DYNC1I1: variants seen among roughly 807,000 people sequenced by gnomAD.
DYNC1I1 encodes the protein cytoplasmic dynein 1 intermediate chain 1.
Under a neutral mutation model 86.6 loss-of-function variants are expected in DYNC1I1, and 43 were observed. The observed-to-expected ratio is 0.50, with a 90% CI of 0.39 to 0.64. The LOEUF (loss-of-function observed/expected upper bound fraction) is 0.64. Ranked by LOEUF, DYNC1I1 falls within the 30% of genes least tolerant of loss-of-function variation. The pLI is 0.00. For missense variants in DYNC1I1, 604 were observed against 788.8 expected (o/e 0.77, Z 2.81); for synonymous variants, 262 against 283.7 (o/e 0.92, Z 0.77).
intron 5 of DYNC1I1, among the ~76,000 whole-genome samples, chr7:95,842,058 C>T (rs1259726417): frequency 6.6e-6 from 1 of 152,162 alleles, no homozygotes; most frequent in Admixed American, 6.5e-5. Flanking sequence ...ACGGTTCAAA[C>T]CCTTTACTCC....
At chr7:95,794,520 A>G (rs1285175199) in intron 1 of DYNC1I1, among the ~76,000 whole-genome samples, 3 of 152,308 alleles carry the variant, frequency 2.0e-5, no homozygotes, top group African/African-American at 7.2e-5. Flanking sequence ...CTTTTTGGCA[A>G]AGACGACAGT....
intron 2 of DYNC1I1, 129 bp from the exon 3 acceptor site, chr7:95,810,263 C>A (rs1794797430): frequency 3.5e-6 from 2 of 567,472 alleles, no homozygotes; most frequent in East Asian, 6.3e-5. Flanking sequence ...ATCCTTTATA[C>A]ATGTGATTAT....
intron 5 of DYNC1I1, among the ~76,000 whole-genome samples, chr7:95,855,778 G>A (rs2116092268): frequency 6.6e-6 from 1 of 152,242 alleles, no homozygotes; most frequent in Admixed American, 6.5e-5. Context: ...AAAAGGTACA[G>A]TAAAAATATG....
intron 14 of DYNC1I1, among the ~76,000 whole-genome samples, chr7:96,052,107 C>A (rs1165467481): frequency 6.6e-6 from 1 of 152,066 alleles, no homozygotes; most frequent in Non-Finnish European, 1.5e-5. Flanking sequence ...ACCTGGTAGG[C>A]ACTGAGTAAA....
At chr7:96,010,575 C>G (rs1412402141) in intron 10 of DYNC1I1, among the ~76,000 whole-genome samples, 2 of 152,096 alleles carry the variant, frequency 1.3e-5, no homozygotes, top group Non-Finnish European at 2.9e-5. Flanking sequence ...AAATACTGTT[C>G]CTGGGGAGGG....
rs905294707 is a variant in DYNC1I1, at chr7:95,935,049, G to A, written c.491-42463G>A. 2.6e-5 allele frequency among the ~76,000 whole-genome samples: 4 copies of A among 151,090 alleles called. No individual in the cohort carries two copies. The Admixed American group carries it at 2.6e-4, about 10-fold the overall frequency. ...GTACCATAAATTATTGTTAACTATA[G>A]ATACAATGTCCTATAGCAGATCTCT... On this transcript the variant is annotated intron_variant, in intron 6 of 16. Transcript: ENST00000447467.
At chr7:96,063,517 G>A (rs1405016524) in intron 14 of DYNC1I1, among the ~76,000 whole-genome samples, 1 of 152,100 alleles carries the variant, frequency 6.6e-6, no homozygotes, top group East Asian at 1.9e-4. Flanking sequence ...ATCAGGGTTG[G>A]TTTCCTCTGA....
chr7:96,098,413 T>C lies in DYNC1I1; in HGVS notation c.*820T>C, dbSNP rs1244371067. 2 of 985,324 alleles carry C rather than the reference T, an allele frequency of 2.0e-6. No individual in the cohort carries two copies. The highest frequency in any genetic ancestry group is 3.5e-5 in the African/African-American group (2 of 57,242). The allele number at this position is 985,324 out of a possible 1,614,324, so 61.0% of individuals were successfully genotyped here. A position where few individuals can be genotyped will look rare whatever the true frequency, so the allele number is the denominator to read the frequency against. On this transcript the variant is annotated 3_prime_UTR_variant, in exon 17 of 17. Coordinates refer to ENST00000447467, the MANE Select transcript of DYNC1I1 (RefSeq NM_001135556.2). ...TATGACATCAGTGTTGCCAATAAAATGTTTCAAACCAGGTCTGCACCAGTG... is the reference window on the plus strand; with the variant it reads ...TATGACATCAGTGTTGCCAATAAAACGTTTCAAACCAGGTCTGCACCAGTG...
intron 1 of DYNC1I1, among the ~76,000 whole-genome samples, chr7:95,785,820 A>AT (rs1184403284): frequency 7.9e-6 from 1 of 126,842 alleles, no homozygotes; most frequent in Non-Finnish European, 1.7e-5. Context: ...TATATATATT[A>AT]TATATAACAG....
In DYNC1I1 at chr7:96,096,346, G is replaced by A. The variant is rs560190726; in HGVS notation, c.1777-1137G>A. ...CATTAAAAAATATATTAATTGAGAT[G>A]GCTGTATGTTCTTAATGTTTATGGA... On this transcript the variant is annotated intron_variant, in intron 16 of 16. Coordinates refer to ENST00000447467, the MANE Select transcript of DYNC1I1 (RefSeq NM_001135556.2). 1.0e-3 allele frequency among the ~76,000 whole-genome samples: 152 copies of A among 151,956 alleles called. 2 individuals are homozygous for A. Among genetic ancestry groups the A allele is most frequent in the Middle Eastern group, 3.4e-3 (1 of 294 alleles).
At chr7:96,090,978 G>T (rs1196028274) in intron 16 of DYNC1I1, among the ~76,000 whole-genome samples, 1 of 152,124 alleles carries the variant, frequency 6.6e-6, no homozygotes, top group South Asian at 2.1e-4. Flanking sequence ...TATGTGAAGC[G>T]GGTATGCTTG....
At chr7:95,987,795 G>A (rs1364220955) in intron 9 of DYNC1I1, among the ~76,000 whole-genome samples, 1 of 152,086 alleles carries the variant, frequency 6.6e-6, no homozygotes, top group Non-Finnish European at 1.5e-5. Context: ...AAATGAATTA[G>A]TAACTCATTA....
At chr7:95,997,156 A>G (rs1219735676) in intron 10 of DYNC1I1, among the ~76,000 whole-genome samples, 1 of 152,168 alleles carries the variant, frequency 6.6e-6, no homozygotes, top group Non-Finnish European at 1.5e-5. Context: ...CTAGTTCTGT[A>G]TGGTAAATAA....
At chr7:95,943,323 G>A (rs1283882840) in intron 6 of DYNC1I1, among the ~76,000 whole-genome samples, 6 of 151,472 alleles carry the variant, frequency 4.0e-5, no homozygotes, top group Admixed American at 2.6e-4. Context: ...CAAGGGACAT[G>A]AAGGACCTCT....
rs867551903 is a variant in DYNC1I1 at position 95,953,273 on chromosome 7, G to A, written c.491-24239G>A. Among the ~76,000 whole-genome samples the A allele has an allele frequency of 4.6e-5, 7 of 151,564 alleles. No individual in the cohort carries two copies. The Middle Eastern group carries it at 0.01, about 221-fold the overall frequency. On this transcript the variant is annotated intron_variant, in intron 6 of 16. Transcript: ENST00000447467. ...ATAAAATTCCCAAATTTTAATTACTGTAAGCATCTTACTCAGTTTTATGAG... is the reference window on the plus strand; with the variant it reads ...ATAAAATTCCCAAATTTTAATTACTATAAGCATCTTACTCAGTTTTATGAG...
At chr7:95,966,402 A>G (rs777833320) in intron 6 of DYNC1I1, among the ~76,000 whole-genome samples, 5 of 152,220 alleles carry the variant, frequency 3.3e-5, no homozygotes, top group Non-Finnish European at 5.9e-5. Flanking sequence ...GTATTTACTT[A>G]GAGGAGAGAG....
At chr7:95,938,874 A>AT (rs905034551) in intron 6 of DYNC1I1, among the ~76,000 whole-genome samples, 2 of 151,950 alleles carry the variant, frequency 1.3e-5, no homozygotes, top group Non-Finnish European at 2.9e-5. Context: ...ATAAAAAACC[A>AT]TTTTTTGTGA....
At chr7:95,820,542 A>C (rs1049473218) in intron 4 of DYNC1I1, among the ~76,000 whole-genome samples, 1 of 152,252 alleles carries the variant, frequency 6.6e-6, no homozygotes, top group Admixed American at 6.5e-5. Flanking sequence ...AAGAGCTCAG[A>C]GAAACTGTGC....
intron 6 of DYNC1I1, among the ~76,000 whole-genome samples, chr7:95,942,418 T>A (rs1225016824): frequency 6.6e-6 from 1 of 152,136 alleles, no homozygotes; most frequent in East Asian, 1.9e-4. Context: ...ACCAGATGGA[T>A]TCACAGCCGA....
Sources: gnomAD v4.1 joint callset for allele counts (sites outside exome capture counted in the v4.1 genomes callset) on GRCh38, gnomAD v4.1.1 for gene constraint, MANE v1.5 for transcripts, NCBI Gene and HGNC (gene_info 2026-07-23, HGNC 2026-07-21) for gene names.